Variants in ACACA observed in about 807,000 individuals in gnomAD.
The protein encoded by ACACA is acetyl-CoA carboxylase alpha.
Under a neutral mutation model 296.1 loss-of-function variants are expected in ACACA, and 103 were observed. The observed-to-expected ratio is 0.35, with a 90% confidence interval of 0.30 to 0.41. The LOEUF is 0.41. Ranked by LOEUF, ACACA falls within the 10% of genes least tolerant of loss-of-function variation. The probability of loss-of-function intolerance (pLI) is 1.00; values close to 1 mark genes in which losing one functional copy is unlikely to be tolerated. For synonymous variants in ACACA, 953 were observed against 1,038.6 expected (o/e 0.92, Z 1.58); for missense variants, 1,554 against 2,989.7 (o/e 0.52, Z 11.20).
intron 2 of ACACA, among the ~76,000 whole-genome samples, chr17:37,334,531 A>C (rs1312062278): frequency 6.6e-6 from 1 of 150,418 alleles, no homozygotes; most frequent in Non-Finnish European, 1.5e-5. Context: ...ATCACACTCA[A>C]GTCAAACCCT....
At chr17:37,351,370 C>T (rs560672288) in intron 1 of ACACA, among the ~76,000 whole-genome samples, 21 of 151,902 alleles carry the variant, frequency 1.4e-4, no homozygotes, top group African/African-American at 4.3e-4. Context: ...GGCTGAGGCA[C>T]GAGAATTGCT....
chr17:37,364,598 A>AAAAAAAGAAAAAG (rs67355478), intron 1 of ACACA, among the ~76,000 whole-genome samples: 21 of 137,078 alleles, frequency 1.5e-4, no homozygotes, highest in African/African-American at 4.7e-4. Context: ...CTCAAAAAAA[A>AAAAAAAGAAAAAG]AAAAAAAGAA....
At chr17:37,322,807 C>T (rs1175760789) in intron 3 of ACACA, among the ~76,000 whole-genome samples, 1 of 152,190 alleles carries the variant, frequency 6.6e-6, no homozygotes, top group East Asian at 1.9e-4. Context: ...AAGAGTCCGG[C>T]CTCCAGGAGC....
chr17:37,196,411 A>G (rs1477835091), intron 35 of ACACA, among the ~76,000 whole-genome samples: 4 of 152,152 alleles, frequency 2.6e-5, no homozygotes, highest in African/African-American at 7.2e-5. Context: ...GTCATAAAAC[A>G]ACAACTCTCT....
rs548512273 is a variant in ACACA, at chr17:37,119,860, A to C, written c.6274+1495T>G. On this transcript the variant is annotated intron_variant, in intron 50 of 55. Transcript: ENST00000616317. ...GAGAGTTCATTGTTTCACATTTTGT[A>C]TGTCTTAAGTATTTTCTTTTCTTTT... 8.7e-5 allele frequency among the ~76,000 whole-genome samples: 13 copies of C among 149,746 alleles called. No individual in the cohort carries two copies. In the East Asian group the frequency reaches 2.6e-3, roughly 29 times the overall value.
At chr17:37,359,552 G>T (rs535562069) in intron 1 of ACACA, among the ~76,000 whole-genome samples, 1 of 152,270 alleles carries the variant, frequency 6.6e-6, no homozygotes, top group South Asian at 2.1e-4. Flanking sequence ...TGGGGGAAGC[G>T]GTCCCGCATG....
At position 37,097,753 on chromosome 17, in the gene ACACA, A is replaced by C; in HGVS notation, c.6720+77T>G. On this transcript the variant is annotated intron_variant, in intron 53 of 55. Transcript: ENST00000616317. This position sits in a 1 kb window ranked among gnomAD's most constrained non-coding sequence, Gnocchi z 4.8. Reference sequence around the variant, plus strand: ...ATTTGGCCCTCATAGCTCCCTGCTTATGAGCCTGTGTGCAACACACACACA... The same window carrying C: ...ATTTGGCCCTCATAGCTCCCTGCTTCTGAGCCTGTGTGCAACACACACACA... 1 of 1,574,408 alleles carries C rather than the reference A, an allele frequency of 6.4e-7. No homozygotes were observed. Among genetic ancestry groups the C allele is most frequent in the Non-Finnish European group, 8.7e-7 (1 of 1,148,624 alleles).
chr17:37,188,366 T>A lies in ACACA; in HGVS notation c.4687A>T (p.Ile1563Phe). The A allele has an allele frequency of 6.2e-7, 1 of 1,614,138 alleles. No homozygotes were observed. The highest frequency in any genetic ancestry group is 1.7e-4 in the Middle Eastern group (1 of 6,058). ...TTTGTCAGGAAGAGGCGGATGGGAA[T>A]TGCTTTTCCAGTTGGCGTCAGGCGA... ...NIRLTPTGKA[I>F]PIRLFLTNES... Residue 1563 changes from isoleucine to phenylalanine, a missense_variant, in exon 39 of 56, where the codon ATT (isoleucine) becomes TTT (phenylalanine). This residue lies in a region of ACACA where 553 missense variants were observed against 1,043.6 expected (regional missense o/e 0.53). Transcript: ENST00000616317.
chr17:37,110,418 CAA>C (rs1340608890), intron 52 of ACACA, among the ~76,000 whole-genome samples: 1 of 152,224 alleles, frequency 6.6e-6, no homozygotes, highest in Non-Finnish European at 1.5e-5. Context: ...ATTTTAGAAA[CAA>C]CTCTCATTTC....
At chr17:37,235,157 C>G (rs2080050300) in intron 24 of ACACA, 58 bp from the exon 25 acceptor site, 1 of 1,594,848 alleles carries the variant, frequency 6.3e-7, no homozygotes, top group African/African-American at 1.3e-5. Flanking sequence ...CATTTACATG[C>G]TATTTGTTTT....
chr17:37,301,031 TG>T (rs903155947), intron 3 of ACACA, among the ~76,000 whole-genome samples: 1 of 152,158 alleles, frequency 6.6e-6, no homozygotes, highest in African/African-American at 2.4e-5. Flanking sequence ...AAAACAAACT[TG>T]TTATACAAGT....
intron 39 of ACACA, among the ~76,000 whole-genome samples, chr17:37,183,770 C>T (rs1258383541): frequency 6.9e-6 from 1 of 144,156 alleles, no homozygotes; most frequent in Non-Finnish European, 1.5e-5. Flanking sequence ...CCAGCCTGGG[C>T]GTCAGAGTGA....
chr17:37,267,842 C>A (rs1413696412), intron 10 of ACACA, among the ~76,000 whole-genome samples: 1 of 151,806 alleles, frequency 6.6e-6, no homozygotes, highest in Admixed American at 6.6e-5. Context: ...CTCACTGCAG[C>A]CTCTGTCTCC....
At chr17:37,306,911 T>C (rs2083911380) in intron 3 of ACACA, among the ~76,000 whole-genome samples, 1 of 152,124 alleles carries the variant, frequency 6.6e-6, no homozygotes, top group Non-Finnish European at 1.5e-5. Context: ...TTGGCCAGGC[T>C]GGTCTTGAAC....
At chr17:37,356,824 T>A (rs935767628) in intron 1 of ACACA, among the ~76,000 whole-genome samples, 2 of 152,204 alleles carry the variant, frequency 1.3e-5, no homozygotes, top group African/African-American at 4.8e-5. Flanking sequence ...AATTTACTTC[T>A]TTCCTCAACT....
chr17:37,182,352 CATAT>C (rs113554103), intron 39 of ACACA, among the ~76,000 whole-genome samples: 41 of 149,398 alleles, frequency 2.7e-4, no homozygotes, highest in African/African-American at 9.3e-4. Flanking sequence ...TATTAAAAAA[CATAT>C]ATATATATAT....
rs187522362 is a variant in ACACA, at chr17:37,190,456, G to A, written c.4572+664C>T. On this transcript the variant is annotated intron_variant, in intron 38 of 55. Transcript: ENST00000616317. ...AAAAAAAAAAAGAAAGAAAGAAAGCGTTAGAGGGAGCAGAAACAGAGAGCA... is the reference window on the plus strand; with the variant it reads ...AAAAAAAAAAAGAAAGAAAGAAAGCATTAGAGGGAGCAGAAACAGAGAGCA... 5.3e-5 allele frequency among the ~76,000 whole-genome samples: 8 copies of A among 152,012 alleles called. No homozygotes were observed. In the East Asian group the frequency reaches 1.2e-3, roughly 22 times the overall value.
chr17:37,160,225 G>A (rs979188875), intron 42 of ACACA, among the ~76,000 whole-genome samples: 1 of 152,176 alleles, frequency 6.6e-6, no homozygotes, highest in Non-Finnish European at 1.5e-5. Flanking sequence ...GAGGGAAAAA[G>A]TGCTGATGCA....
chr17:37,165,083 T>C (rs1263100560), intron 41 of ACACA, among the ~76,000 whole-genome samples: 4 of 152,108 alleles, frequency 2.6e-5, no homozygotes, highest in Admixed American at 2.6e-4. Context: ...TATCAATGTC[T>C]TTCCAAAGTA....
Sources: gnomAD v4.1 joint callset for allele counts (sites outside exome capture counted in the v4.1 genomes callset) on GRCh38, gnomAD v4.1.1 for gene constraint, gnomAD v4.1.1 regional missense constraint, Gnocchi (gnomAD v3.1) non-coding constraint, MANE v1.5 for transcripts, NCBI Gene and HGNC (gene_info 2026-07-23, HGNC 2026-07-21) for gene names.